Variants in SULF1 observed in about 807,000 individuals in gnomAD.
SULF1 encodes sulfatase 1.
In SULF1, 46 loss-of-function variants were observed where a neutral mutation model predicts 110.5. The ratio of observed to expected loss-of-function variants is 0.42; its 90% CI spans 0.33 to 0.53. SULF1 has a LOEUF of 0.53. Among genes scored for constraint, SULF1 ranks in the 20% least tolerant of loss-of-function variants. SULF1 has a pLI of 0.12. For missense variants in SULF1, 941 were observed against 1,094.2 expected (o/e 0.86, Z 1.98); for synonymous variants, 371 against 387.1 (o/e 0.96, Z 0.49).
chr8:69,589,001 G>C lies in SULF1; in HGVS notation c.594G>C (p.Glu198Asp), dbSNP rs761389674. Residue 198 changes from glutamate (E) to aspartate (D), a missense_variant, in exon 8 of 23, where the codon GAG (glutamate) becomes GAC (aspartate). Around this residue, in one of 3 missense-constraint regions of SULF1, gnomAD observed 822 missense variants for 934.3 expected, o/e 0.88. Transcript: ENST00000402687. Reference protein sequence around the residue: ...KDYFTDLITNESINYFKMSKR... With the variant: ...KDYFTDLITNDSINYFKMSKR... ...ACTTCACAGACTTAATCACTAACGA[G>C]AGCATTAATTACTTCAAAATGTCTA... 6.2e-6 allele frequency: 10 copies of C among 1,613,984 alleles called. No individual in the cohort carries two copies. Among genetic ancestry groups the C allele is most frequent in the Non-Finnish European group, 8.5e-6 (10 of 1,179,906 alleles).
At chr8:69,537,749 C>T (rs1813523457) in intron 3 of SULF1, among the ~76,000 whole-genome samples, 1 of 152,192 alleles carries the variant, frequency 6.6e-6, no homozygotes. Flanking sequence ...GTGTGACATG[C>T]AGTGCTTTGC....
intron 22 of SULF1, among the ~76,000 whole-genome samples, chr8:69,657,680 G>A (rs987784284): frequency 1.4e-4 from 22 of 152,294 alleles, no homozygotes; most frequent in African/African-American, 5.3e-4. Flanking sequence ...GAGGTTGTGG[G>A]TTTGGTATAG....
intron 13 of SULF1, among the ~76,000 whole-genome samples, chr8:69,616,700 CCG>C (rs1809169503): frequency 8.1e-6 from 1 of 123,606 alleles, no homozygotes; most frequent in African/African-American, 3.1e-5. Flanking sequence ...CTGTGCCCGG[CCG>C]TTTTTTTTTT....
intron 3 of SULF1, among the ~76,000 whole-genome samples, chr8:69,546,256 C>T (rs938126177): frequency 6.6e-6 from 1 of 152,164 alleles, no homozygotes; most frequent in African/African-American, 2.4e-5. Context: ...GAAATGGTAA[C>T]AGAAATGAGA....
intron 6 of SULF1, among the ~76,000 whole-genome samples, chr8:69,579,191 A>G (rs1296027339): frequency 6.6e-6 from 1 of 150,956 alleles, no homozygotes; most frequent in Non-Finnish European, 1.5e-5. Flanking sequence ...GGAAAGAAAA[A>G]CCAGTAGGAA....
At chr8:69,466,803 G>C (rs1313867621) in exon 1 of SULF1, 1 of 152,352 alleles carries the variant, frequency 6.6e-6, no homozygotes, top group Non-Finnish European at 1.5e-5. Flanking sequence ...CATCACATTC[G>C]AGTGGGGATT....
intron 13 of SULF1, among the ~76,000 whole-genome samples, chr8:69,611,632 G>C (rs1808665108): frequency 6.6e-6 from 1 of 152,082 alleles, no homozygotes; most frequent in Non-Finnish European, 1.5e-5. Context: ...TCCACATGCA[G>C]GTAACTTTTT....
upstream of SULF1, among the ~76,000 whole-genome samples, chr8:69,490,102 C>CTTTTTT (rs59483735): frequency 8.5e-6 from 1 of 117,176 alleles, no homozygotes; most frequent in Non-Finnish European, 1.7e-5. Flanking sequence ...CCATACTTTT[C>CTTTTTT]TTTTTTTTTT....
chr8:69,482,057 C>A (rs1265510596), intron 1 of SULF1, among the ~76,000 whole-genome samples: 3 of 152,106 alleles, frequency 2.0e-5, no homozygotes, highest in African/African-American at 4.8e-5. Context: ...ATGGTCATAA[C>A]CTCCACCAAA....
intron 15 of SULF1, among the ~76,000 whole-genome samples, chr8:69,626,821 G>A (rs1810101739): frequency 2.0e-5 from 3 of 152,366 alleles, no homozygotes; most frequent in South Asian, 4.1e-4. Context: ...CGCAAGCACC[G>A]CAGGCAGCCC....
chr8:69,554,988 A>G, intron 3 of SULF1, among the ~76,000 whole-genome samples: 1 of 126,582 alleles, frequency 7.9e-6, no homozygotes, highest in Middle Eastern at 4.3e-3. Context: ...CAAAAAAAAA[A>G]AAAAAAAAAA....
intron 5 of SULF1, among the ~76,000 whole-genome samples, chr8:69,572,164 C>T (rs11996610): frequency 0.042 from 6,413 of 152,200 alleles, 317 homozygotes; most frequent in African/African-American, 0.13. Context: ...AGAGACCTAT[C>T]GCGACTGCAA....
At chr8:69,604,405 T>C (rs1463668874) in intron 12 of SULF1, among the ~76,000 whole-genome samples, 2 of 152,220 alleles carry the variant, frequency 1.3e-5, no homozygotes, top group Non-Finnish European at 2.9e-5. Flanking sequence ...TGTAATTATT[T>C]CCATTGTCAC....
chr8:69,603,371 C>CTGG, intron 11 of SULF1, 51 bp downstream of exon 11: 1 of 1,611,956 alleles, frequency 6.2e-7, no homozygotes, highest in South Asian at 1.1e-5. Flanking sequence ...TGAGCTCCAG[C>CTGG]TGGTGCCCAG....
intron 8 of SULF1, among the ~76,000 whole-genome samples, chr8:69,596,371 T>C (rs1468887356): frequency 6.6e-6 from 1 of 152,170 alleles, no homozygotes. Flanking sequence ...TGGTCTTTTG[T>C]CCTCTCAATT....
chr8:69,629,450 G>A, intron 18 of SULF1, 54 bp from the exon 19 acceptor site: 2 of 1,537,334 alleles, frequency 1.3e-6, no homozygotes, highest in Non-Finnish European at 1.8e-6. Context: ...AAGCCTATTT[G>A]TAATTGAGAA....
At chr8:69,572,889 G>A (rs984443467) in intron 5 of SULF1, among the ~76,000 whole-genome samples, 11 of 152,130 alleles carry the variant, frequency 7.2e-5, no homozygotes, top group African/African-American at 2.4e-4. Context: ...GTGCAGTGGC[G>A]CGATCTTGGC....
intron 22 of SULF1, among the ~76,000 whole-genome samples, chr8:69,644,692 C>T (rs921874176): frequency 6.8e-5 from 10 of 147,248 alleles, no homozygotes; most frequent in African/African-American, 2.0e-4. Flanking sequence ...ACCCGGGAGG[C>T]GGAGCTTGCA....
rs1353077952 is a variant in SULF1 at position 69,535,769 on chromosome 8, C to T, written c.-133-27770C>T. 5.3e-5 allele frequency among the ~76,000 whole-genome samples: 8 copies of T among 152,134 alleles called. No individual in the cohort carries two copies. The East Asian group carries it at 1.3e-3, about 26-fold the overall frequency. Reference sequence around the variant, plus strand: ...ATAAGAGGCCGGGTGAGATGGTTCACGCCTGTAATCCCAGCACTTTGGGAA... The same window carrying T: ...ATAAGAGGCCGGGTGAGATGGTTCATGCCTGTAATCCCAGCACTTTGGGAA... On this transcript the variant is annotated intron_variant, in intron 3 of 22. Coordinates refer to ENST00000402687, the MANE Select transcript of SULF1 (RefSeq NM_001128205.2).
Sources: allele counts gnomAD v4.1 joint callset (sites outside exome capture counted in the v4.1 genomes callset), GRCh38; gene constraint gnomAD v4.1.1; regional missense constraint gnomAD v4.1.1; transcripts MANE v1.5; gene names NCBI Gene and HGNC (gene_info 2026-07-23, HGNC 2026-07-21).